Variants in ELF2 observed in about 807,000 individuals in gnomAD.
ELF2 encodes the protein E74 like ETS transcription factor 2.
A neutral mutation model predicts 54.8 loss-of-function variants in ELF2; 11 were observed. The observed-to-expected ratio is 0.20, with a 90% CI of 0.13 to 0.33. The LOEUF (loss-of-function observed/expected upper bound fraction) is 0.33, where lower values mean the gene tolerates loss of function less well. ELF2 is among the 10% of genes least tolerant of loss of function. The probability of loss-of-function intolerance (pLI) is 1.00; values close to 1 mark genes in which losing one functional copy is unlikely to be tolerated. For missense variants in ELF2, 513 were observed against 703.0 expected (o/e 0.73, Z 3.06); for synonymous variants, 203 against 245.1 (o/e 0.83, Z 1.61).
chr4:139,150,538 AT>A (rs1378134408), intron 1 of ELF2, among the ~76,000 whole-genome samples: 76 of 151,098 alleles, frequency 5.0e-4, no homozygotes, highest in Non-Finnish European at 7.8e-4. Context: ...AAAAAAAAAA[AT>A]ATGTGAATGA....
chr4:139,109,418 T>C (rs915185400), intron 4 of ELF2, among the ~76,000 whole-genome samples: 76 of 152,330 alleles, frequency 5.0e-4, no homozygotes, highest in African/African-American at 1.8e-3. Context: ...TTTTAGTCCC[T>C]TGGCTATTTA....
At chr4:139,075,405 C>T (rs1349119388) in intron 4 of ELF2, among the ~76,000 whole-genome samples, 2 of 152,160 alleles carry the variant, frequency 1.3e-5, no homozygotes, top group African/African-American at 4.8e-5. Flanking sequence ...CCAACATAGA[C>T]TTTTCATGGA....
intron 1 of ELF2, among the ~76,000 whole-genome samples, chr4:139,143,011 G>C (rs557772391): frequency 6.6e-6 from 1 of 152,092 alleles, no homozygotes; most frequent in Admixed American, 6.5e-5. Flanking sequence ...TCAGATGATG[G>C]AGTAGGATGC....
intron 1 of ELF2, among the ~76,000 whole-genome samples, chr4:139,166,843 G>A (rs1741776774): frequency 1.3e-5 from 2 of 152,192 alleles, no homozygotes; most frequent in African/African-American, 4.8e-5. Flanking sequence ...ACTCCAGCCT[G>A]GGCGAGAGTG....
chr4:139,123,290 T>G (rs1736584548), intron 4 of ELF2, among the ~76,000 whole-genome samples: 1 of 152,218 alleles, frequency 6.6e-6, no homozygotes. Context: ...ACATTTTCTT[T>G]TTGTGTTGAA....
chr4:139,155,607 TG>T (rs1325842330), intron 1 of ELF2, among the ~76,000 whole-genome samples: 1 of 151,944 alleles, frequency 6.6e-6, no homozygotes, highest in Non-Finnish European at 1.5e-5. Context: ...ATAATAATAA[TG>T]AAAAAGATAA....
At chr4:139,059,698 G>GTGCACAAA in intron 9 of ELF2, 91 bp from the exon 10 acceptor site, 1 of 1,474,604 alleles carries the variant, frequency 6.8e-7, no homozygotes, top group Non-Finnish European at 9.0e-7. Context: ...AATCCAAAAT[G>GTGCACAAA]TGTAAAATTA....
intron 3 of ELF2, among the ~76,000 whole-genome samples, chr4:139,133,727 T>C (rs1268480397): frequency 2.0e-5 from 3 of 152,070 alleles, no homozygotes; most frequent in Admixed American, 6.6e-5. Flanking sequence ...CCTCAGCCTT[T>C]AGTGTAGCTG....
Position 139,159,799 on chromosome 4 carries a change from A to G in ELF2, c.-252+17168T>C, listed in dbSNP as rs113516058. Among the ~76,000 whole-genome samples the G allele has an allele frequency of 3.0e-3, 458 of 152,336 alleles. 3 individuals carry two copies. Among genetic ancestry groups the G allele is most frequent in the African/African-American group, 0.01 (434 of 41,568 alleles). ...CTTTGGAAATAAAGCAGCCTTGAGA[A>G]GAGTTTTTATTAAAGTGGCATTAAT... On this transcript the variant is annotated intron_variant, in intron 1 of 9. Coordinates refer to ENST00000686138, the MANE Select transcript of ELF2 (RefSeq NM_001331036.3).
In ELF2 at chr4:139,060,514, C is replaced by T; in HGVS notation, c.967G>A (p.Val323Met). Residue 323 changes from valine (V) to methionine (M), a missense_variant, in exon 9 of 10, where the codon GTG becomes ATG. Val to Met is a conservative substitution (Grantham distance 21). This residue lies in a region of ELF2 where 291 missense variants were observed against 366.1 expected (regional missense o/e 0.79). Transcript: ENST00000686138. ...GTTDEKSLERVSLSAESLLKA... is the reference protein window; with the variant it reads ...GTTDEKSLERMSLSAESLLKA... ...AGGAGACTTTCTGCAGACAGTGACA[C>T]TCGTTCTAATGATTTTTCATCAGTA... 6.2e-7 allele frequency: 1 copy of T among 1,614,220 alleles called. No homozygotes were observed. The highest frequency in any genetic ancestry group is 8.5e-7 in the Non-Finnish European group (1 of 1,180,046).
intron 1 of ELF2, among the ~76,000 whole-genome samples, chr4:139,151,031 AAAAAGAAAGAAAG>A (rs1560870961): frequency 2.5e-5 from 3 of 118,340 alleles, no homozygotes; most frequent in South Asian, 5.0e-4. Context: ...CTCAAAAAAA[AAAAAGAAAGAAAG>A]AAAGAAAGAA....
chr4:139,112,761 T>C (rs187362097), intron 4 of ELF2, among the ~76,000 whole-genome samples: 2 of 152,316 alleles, frequency 1.3e-5, no homozygotes, highest in Non-Finnish European at 2.9e-5. Context: ...CGGAGATGTA[T>C]AGCAAAATTA....
At chr4:139,074,129 AAAC>A (rs766602172) in intron 4 of ELF2, among the ~76,000 whole-genome samples, 7 of 152,150 alleles carry the variant, frequency 4.6e-5, no homozygotes, top group Admixed American at 1.3e-4. Flanking sequence ...CTCTGTCTCA[AAAC>A]AACAACAACA....
chr4:139,078,915 A>G (rs187347876), intron 4 of ELF2, among the ~76,000 whole-genome samples: 2 of 152,254 alleles, frequency 1.3e-5, no homozygotes, highest in Non-Finnish European at 2.9e-5. Context: ...GCAACCATAA[A>G]TAACATTTTT....
chr4:139,163,108 A>T (rs1300493867), intron 1 of ELF2, among the ~76,000 whole-genome samples: 3 of 152,188 alleles, frequency 2.0e-5, no homozygotes, highest in African/African-American at 7.2e-5. Context: ...AAAATAAAAA[A>T]ATATATAAAA....
At chr4:139,103,995 C>T (rs1416715049) in intron 4 of ELF2, among the ~76,000 whole-genome samples, 1 of 152,132 alleles carries the variant, frequency 6.6e-6, no homozygotes, top group Non-Finnish European at 1.5e-5. Context: ...AAAGTAATTG[C>T]TCATTCCCTT....
chr4:139,130,466 T>C (rs1033166553), intron 3 of ELF2, among the ~76,000 whole-genome samples: 4 of 152,220 alleles, frequency 2.6e-5, no homozygotes, highest in African/African-American at 9.6e-5. Context: ...CTTTTGCTCA[T>C]GTTATTTTGT....
Position 139,060,472 on chromosome 4 carries a change from C to G in ELF2, c.1009G>C (p.Val337Leu), listed in dbSNP as rs1727675649. ...GGGGATGAATTTTTTCCACTGCGAA[C>G]AGAGGATGCTGCTTTCAGGAGACTT... The part of the protein sequence containing the change: ...AESLLKAASS[V>L]RSGKNSSPIN... Residue 337 changes from valine to leucine, a missense_variant, in exon 9 of 10, where the codon GTT (valine) becomes CTT (leucine). Val to Leu is a conservative substitution (Grantham distance 32, BLOSUM62 1). Coordinates refer to ENST00000686138, the MANE Select transcript of ELF2 (RefSeq NM_001331036.3). 1.2e-6 allele frequency: 2 copies of G among 1,614,116 alleles called. No homozygotes were observed. Among genetic ancestry groups the G allele is most frequent in the African/African-American group, 2.7e-5 (2 of 74,932 alleles).
intron 3 of ELF2, 177 bp downstream of exon 3, chr4:139,137,453 G>A (rs1578898246): frequency 3.1e-6 from 2 of 642,028 alleles, no homozygotes; most frequent in East Asian, 2.7e-5. Context: ...CGTAAGCCCT[G>A]CAATACCTTC....
Sources: allele counts gnomAD v4.1 joint callset (sites outside exome capture counted in the v4.1 genomes callset), GRCh38; gene constraint gnomAD v4.1.1; regional missense constraint gnomAD v4.1.1; transcripts MANE v1.5; gene names NCBI Gene and HGNC (gene_info 2026-07-23, HGNC 2026-07-21).